SCHIP1: variants seen among roughly 807,000 people sequenced by gnomAD.
SCHIP1 encodes the protein schwannomin interacting protein 1.
In SCHIP1, 8 loss-of-function variants were observed where a neutral mutation model predicts 29.7. That is an observed-to-expected ratio of 0.27 (90% CI 0.16 to 0.49). SCHIP1 has a LOEUF of 0.49. Ranked by LOEUF, SCHIP1 falls within the 20% of genes least tolerant of loss-of-function variation. SCHIP1 has a pLI of 0.99. For missense variants in SCHIP1, 193 were observed against 294.6 expected (o/e 0.66, Z 2.52); for synonymous variants, 76 against 94.9 (o/e 0.80, Z 1.16).
chr3:159,773,782 G>T, the SCHIP1 span, among the ~76,000 whole-genome samples: 1 of 152,192 alleles, frequency 6.6e-6, no homozygotes, highest in Non-Finnish European at 1.5e-5. Context: ...CTCCCTGGAT[G>T]ATAGAAAGCT....
chr3:159,887,556 C>G (rs1039019612), intron 3 of SCHIP1, 152 bp from the exon 5 acceptor site: 1 of 791,956 alleles, frequency 1.3e-6, no homozygotes, highest in African/African-American at 1.7e-5. Context: ...TTTTCTGTTA[C>G]TTGAGATTTA....
chr3:159,675,653 C>T, the SCHIP1 span, among the ~76,000 whole-genome samples: 1 of 152,202 alleles, frequency 6.6e-6, no homozygotes, highest in Non-Finnish European at 1.5e-5. Context: ...GGAATGCTGA[C>T]AGCCCTAAGC....
chr3:159,881,012 G>C (rs1716380758), intron 2 of SCHIP1, among the ~76,000 whole-genome samples: 1 of 152,192 alleles, frequency 6.6e-6, no homozygotes, highest in Non-Finnish European at 1.5e-5. Context: ...AGAAGGGAAA[G>C]GAGCAGAGTT....
the SCHIP1 span, among the ~76,000 whole-genome samples, chr3:159,377,412 T>G: frequency 1.3e-5 from 2 of 152,232 alleles, no homozygotes; most frequent in Non-Finnish European, 2.9e-5. Flanking sequence ...GATCTACTTT[T>G]CTTTTGCAAA....
At chr3:159,473,588 G>A in the SCHIP1 span, among the ~76,000 whole-genome samples, 278 of 146,774 alleles carry the variant, frequency 1.9e-3, 1 homozygote, top group Admixed American at 4.1e-3. Context: ...GTTGCAGAAT[G>A]TCTGATGCTA....
chr3:159,432,323 TGTGTGTGTGTGTGTGTGAGAGAGAGAGA>T, the SCHIP1 span, among the ~76,000 whole-genome samples: 1 of 103,806 alleles, frequency 9.6e-6, no homozygotes, highest in Non-Finnish European at 2.3e-5. Flanking sequence ...TGTGTGTGTG[TGTGTGTGTGTGTGTGTGAGAGAGAGAGA>T]GAGAGAGAGA....
At chr3:159,367,334 G>A in the SCHIP1 span, among the ~76,000 whole-genome samples, 3 of 151,868 alleles carry the variant, frequency 2.0e-5, no homozygotes, top group East Asian at 1.9e-4. Context: ...AGAGGTTGCC[G>A]TGAGCCGAGA....
the SCHIP1 span, among the ~76,000 whole-genome samples, chr3:159,704,011 T>C: frequency 6.6e-6 from 1 of 152,196 alleles, no homozygotes; most frequent in Non-Finnish European, 1.5e-5. Flanking sequence ...TTTAAAGTAA[T>C]TATTGTCTTA....
chr3:159,297,126 T>TTGTGTGTGTGTG, the SCHIP1 span, among the ~76,000 whole-genome samples: 82 of 143,372 alleles, frequency 5.7e-4, no homozygotes, highest in African/African-American at 1.7e-3. Context: ...TAATATTCCA[T>TTGTGTGTGTGTG]TGTGTGTGTG....
At chr3:159,810,387 A>G in the SCHIP1 span, among the ~76,000 whole-genome samples, 2 of 152,218 alleles carry the variant, frequency 1.3e-5, no homozygotes, top group Non-Finnish European at 2.9e-5. Flanking sequence ...TTTAGTAAGC[A>G]TAGTTTTGTT....
chr3:159,426,688 G>A, the SCHIP1 span, among the ~76,000 whole-genome samples: 1 of 152,156 alleles, frequency 6.6e-6, no homozygotes, highest in African/African-American at 2.4e-5. Flanking sequence ...ATTTTATGAG[G>A]CCAGCATCAT....
the SCHIP1 span, among the ~76,000 whole-genome samples, chr3:159,494,734 A>G: frequency 0.011 from 1,746 of 152,226 alleles, 38 homozygotes; most frequent in African/African-American, 0.038. Context: ...AAAAGAGGGA[A>G]TCCTCCCTAA....
At chr3:159,288,732 G>A in the SCHIP1 span, among the ~76,000 whole-genome samples, 3 of 152,198 alleles carry the variant, frequency 2.0e-5, no homozygotes, top group African/African-American at 7.2e-5. Flanking sequence ...CGGTCTTGAA[G>A]AAAGAAAGAA....
chr3:159,705,392 G>A, the SCHIP1 span, among the ~76,000 whole-genome samples: 1 of 152,150 alleles, frequency 6.6e-6, no homozygotes, highest in Non-Finnish European at 1.5e-5. Context: ...GTACATGTTT[G>A]GCTCTGTGAC....
At chr3:159,655,996 A>G in the SCHIP1 span, among the ~76,000 whole-genome samples, 2 of 152,192 alleles carry the variant, frequency 1.3e-5, no homozygotes, top group Admixed American at 1.3e-4. Context: ...AGAAGGAAAG[A>G]TGGGGTAACA....
the SCHIP1 span, among the ~76,000 whole-genome samples, chr3:159,605,645 T>C: frequency 6.6e-6 from 1 of 151,908 alleles, no homozygotes; most frequent in Non-Finnish European, 1.5e-5. Flanking sequence ...AAAAATGCAA[T>C]CAAATGGGAA....
the SCHIP1 span, among the ~76,000 whole-genome samples, chr3:159,512,858 C>T: frequency 6.6e-6 from 1 of 152,230 alleles, no homozygotes; most frequent in African/African-American, 2.4e-5. Context: ...TCCCACTACA[C>T]TTCCCAGCCT....
chr3:159,384,646 C>T, the SCHIP1 span, among the ~76,000 whole-genome samples: 2 of 151,844 alleles, frequency 1.3e-5, no homozygotes, highest in African/African-American at 2.4e-5. Flanking sequence ...GGAGGATTCC[C>T]TCTTTTTCTA....
At chr3:159,870,512 A>G (rs1715142004) in intron 2 of SCHIP1, among the ~76,000 whole-genome samples, 1 of 152,022 alleles carries the variant, frequency 6.6e-6, no homozygotes, top group Non-Finnish European at 1.5e-5. Flanking sequence ...AATCTATTAT[A>G]TGAATTAATG....
Sources: gnomAD v4.1 joint callset for allele counts (sites outside exome capture counted in the v4.1 genomes callset) on GRCh38, gnomAD v4.1.1 for gene constraint, MANE v1.5 for transcripts, NCBI Gene and HGNC (gene_info 2026-07-23, HGNC 2026-07-21) for gene names.